Variants in DCAF8 observed in about 807,000 individuals in gnomAD.
The protein encoded by DCAF8 is DDB1 and CUL4 associated factor 8.
In DCAF8, 20 loss-of-function variants were observed where a neutral mutation model predicts 68.0. That is an observed-to-expected ratio of 0.29 (90% CI 0.21 to 0.43). The LOEUF is 0.43. Ranked by LOEUF, DCAF8 falls within the 20% of genes least tolerant of loss-of-function variation. The probability of loss-of-function intolerance (pLI) is 1.00; values close to 1 mark genes in which losing one functional copy is unlikely to be tolerated. For synonymous variants in DCAF8, 230 were observed against 276.9 expected, an observed-to-expected ratio of 0.83 and a Z score of 1.68; for missense variants, 460 against 771.0, an observed-to-expected ratio of 0.60 and a Z score of 4.78.
intron 2 of DCAF8, among the ~76,000 whole-genome samples, chr1:160,250,787 A>T (rs1455892519): frequency 6.6e-6 from 1 of 152,206 alleles, no homozygotes; most frequent in Admixed American, 6.5e-5. Flanking sequence ...AGAATAGCAG[A>T]AATTTAAGTA....
At chr1:160,218,792 G>T (rs1438534953) in intron 12 of DCAF8, 57 bp downstream of exon 12, 5 of 1,605,532 alleles carry the variant, frequency 3.1e-6, no homozygotes, top group Non-Finnish European at 4.3e-6. Context: ...ATGACAATAA[G>T]AATCAACAGT....
chr1:160,233,616 A>C (rs1655770256), intron 6 of DCAF8, among the ~76,000 whole-genome samples: 1 of 152,170 alleles, frequency 6.6e-6, no homozygotes, highest in Non-Finnish European at 1.5e-5. Flanking sequence ...TTCCCACAGG[A>C]CCATCTCATT....
Position 160,231,889 on chromosome 1 carries a change from T to C in DCAF8, c.960-482A>G, listed in dbSNP as rs1655700952. 1.3e-5 allele frequency among the ~76,000 whole-genome samples: 2 copies of C among 152,172 alleles called. 1 individual carries two copies. Among genetic ancestry groups the C allele is most frequent in the South Asian group, 4.1e-4 (2 of 4,830 alleles). ...TAAGGTCAGAGACTATTGCTCAGAT[T>C]CCATTAAAATGTAACTTATGGCCAG... On this transcript the variant is annotated intron_variant, in intron 6 of 13. Transcript: ENST00000368074.
intron 7 of DCAF8, among the ~76,000 whole-genome samples, chr1:160,229,048 C>A (rs1655577443): frequency 6.6e-6 from 1 of 151,910 alleles, no homozygotes; most frequent in Non-Finnish European, 1.5e-5. Context: ...GACTGTAATC[C>A]CAGCACTTTG....
rs770635527 is a variant in DCAF8 at position 160,231,310 on chromosome 1, C to T, written c.1057G>A (p.Asp353Asn). The change falls in exon 7 of 14, where the codon GAT becomes AAT. Residue 353 changes from aspartate (D) to asparagine (N), a missense_variant. By Grantham distance (23) the Asp-to-Asn change is conservative (BLOSUM62 1). Around this residue, in one of 8 missense-constraint regions of DCAF8, gnomAD observed 170 missense variants for 318.2 expected, o/e 0.53. Transcript: ENST00000368074. ...NTHQFAVGGR[D>N]QFVRIYDQRK... is the part of the protein sequence containing the mutation. ...CCACAAACTCACCTTACAAACTGATCTCGTCCACCCACTGCAAACTGGTGG... is the reference window on the plus strand; with the variant it reads ...CCACAAACTCACCTTACAAACTGATTTCGTCCACCCACTGCAAACTGGTGG... 1.2e-6 allele frequency: 2 copies of T among 1,613,520 alleles called. No homozygotes were observed. The highest frequency in any genetic ancestry group is 2.2e-5 in the South Asian group (2 of 91,052).
intron 3 of DCAF8, among the ~76,000 whole-genome samples, chr1:160,241,984 T>C (rs1656132720): frequency 6.6e-6 from 1 of 152,236 alleles, no homozygotes; most frequent in South Asian, 2.1e-4. Context: ...GGCTAACACC[T>C]GTAATCCCAG....
In DCAF8 at chr1:160,240,182, T is replaced by C; in HGVS notation, c.238A>G (p.Ser80Gly). The stretch of plus-strand genomic sequence containing the variant: ...GAGTAATGACCAGTGTCCTCCATGC[T>C]GTCAGAGTCCTTATCTTCACCTGAG... ...ESSGEDKDSD[S>G]MEDTGHYSIN... is the part of the protein sequence containing the mutation. The change falls in exon 4 of 14, where the codon AGC becomes GGC. Residue 80 changes from serine (S) to glycine (G), a missense_variant. Transcript: ENST00000368074. 2 of 1,614,110 alleles carry C rather than the reference T, an allele frequency of 1.2e-6. No individual in the cohort carries two copies. Among genetic ancestry groups the C allele is most frequent in the Admixed American group, 1.7e-5 (1 of 60,004 alleles).
intron 2 of DCAF8, among the ~76,000 whole-genome samples, chr1:160,244,909 CAACT>C (rs1243861256): frequency 1.3e-5 from 2 of 152,008 alleles, no homozygotes; most frequent in African/African-American, 4.8e-5. Context: ...ACGCCCAGCC[CAACT>C]AACTTCAAAC....
intron 3 of DCAF8, among the ~76,000 whole-genome samples, chr1:160,242,762 G>T (rs556534073): frequency 6.6e-6 from 1 of 152,100 alleles, no homozygotes. Flanking sequence ...CTACATAAAC[G>T]AACAGGCATG....
intron 6 of DCAF8, among the ~76,000 whole-genome samples, chr1:160,235,410 C>T (rs1437477179): frequency 6.6e-6 from 1 of 151,908 alleles, no homozygotes; most frequent in Non-Finnish European, 1.5e-5. Context: ...TGAGCCACTG[C>T]ACCTGACCAA....
intron 2 of DCAF8, among the ~76,000 whole-genome samples, chr1:160,251,261 T>C (rs544159196): frequency 6.6e-6 from 1 of 152,258 alleles, no homozygotes; most frequent in African/African-American, 2.4e-5. Context: ...CTGTTCAGGG[T>C]TGATCTCCAT....
chr1:160,221,408 T>C (rs1389360626), intron 11 of DCAF8, among the ~76,000 whole-genome samples: 3 of 152,220 alleles, frequency 2.0e-5, no homozygotes, highest in African/African-American at 7.2e-5. Context: ...CTTGAACTTC[T>C]AGACTCCTCT....
chr1:160,227,255 C>G (rs900341536), intron 7 of DCAF8, among the ~76,000 whole-genome samples: 1 of 152,112 alleles, frequency 6.6e-6, no homozygotes, highest in Non-Finnish European at 1.5e-5. Context: ...AGAGAAGGTG[C>G]TTCAGGGAAG....
Position 160,218,890 on chromosome 1 carries a change from G to A in DCAF8, c.1519C>T (p.Pro507Ser). Residue 507 changes from proline (P) to serine (S), a missense_variant, in exon 12 of 14, where the codon CCC (proline) becomes TCC (serine). Around this residue, in one of 8 missense-constraint regions of DCAF8, gnomAD observed 4 missense variants for 26.5 expected, o/e 0.15. Transcript: ENST00000368074. Reference protein sequence around the residue: ...GLDHDVKIWAPTAEASTELTG... With the variant: ...GLDHDVKIWASTAEASTELTG... ...AGCTCAGTGGAAGCTTCAGCTGTGG[G>A]TGCCCAGATCTTCACATCATGGTCT... 6.2e-7 allele frequency: 1 copy of A among 1,614,196 alleles called. No individual in the cohort carries two copies. Among genetic ancestry groups the A allele is most frequent in the Non-Finnish European group, 8.5e-7 (1 of 1,180,034 alleles).
rs1322023476 is a variant in DCAF8, at chr1:160,247,753, G to T, written c.-26-3719C>A. Among the ~76,000 whole-genome samples, 3 of 151,850 alleles carry T rather than the reference G, an allele frequency of 2.0e-5. No individual in the cohort carries two copies. In the East Asian group the frequency reaches 5.8e-4, roughly 29 times the overall value. On this transcript the variant is annotated intron_variant, in intron 2 of 13. Transcript: ENST00000368074. ...TTTAGATTTCAGATTTTTTAATTTG[G>T]GATGCTCAACTTGTACCAGAATAAC... is the stretch of plus-strand genomic sequence containing the variant.
At chr1:160,224,871 G>T (rs188362621) in intron 9 of DCAF8, among the ~76,000 whole-genome samples, 191 bp downstream of exon 9, 1 of 152,234 alleles carries the variant, frequency 6.6e-6, no homozygotes, top group Admixed American at 6.5e-5. Context: ...TCTGCAAATG[G>T]TACCTGGCAT....
At chr1:160,229,916 G>A (rs1291636478) in intron 7 of DCAF8, among the ~76,000 whole-genome samples, 2 of 151,986 alleles carry the variant, frequency 1.3e-5, no homozygotes, top group Non-Finnish European at 2.9e-5. Flanking sequence ...CCAGCTACTC[G>A]GGAGGCTGAG....
chr1:160,219,083 G>A, intron 11 of DCAF8, 115 bp from the exon 12 acceptor site: 4 of 1,451,078 alleles, frequency 2.8e-6, no homozygotes, highest in Non-Finnish European at 3.7e-6. Flanking sequence ...GCAGCTGCTG[G>A]GGAAGGGAGG....
At chr1:160,261,940 T>A (rs1557846302) in intron 1 of DCAF8, 1 of 164,320 alleles carries the variant, frequency 6.1e-6, no homozygotes, top group Non-Finnish European at 1.3e-5. Context: ...GCCTGGGAAC[T>A]TGGGATGGGG....
Sources: gnomAD v4.1 joint callset for allele counts (sites outside exome capture counted in the v4.1 genomes callset) on GRCh38, gnomAD v4.1.1 for gene constraint, gnomAD v4.1.1 regional missense constraint, MANE v1.5 for transcripts, NCBI Gene and HGNC (gene_info 2026-07-23, HGNC 2026-07-21) for gene names.